Variants in CAVIN1 observed in about 807,000 individuals in gnomAD.
CAVIN1 encodes the protein caveolae associated protein 1.
In CAVIN1, 16 loss-of-function variants were observed where a neutral mutation model predicts 24.0. That is an observed-to-expected ratio of 0.67 (90% CI 0.45 to 1.01). The LOEUF is 1.01. Among genes scored for constraint, CAVIN1 ranks in the 50% least tolerant of loss-of-function variants. The pLI, the probability that CAVIN1 is intolerant of heterozygous loss-of-function variation, is 0.00. For synonymous variants in CAVIN1, 256 were observed against 256.4 expected, an observed-to-expected ratio of 1.00 and a Z score of 0.02; for missense variants, 510 against 551.7, an observed-to-expected ratio of 0.92 and a Z score of 0.76.
At chr17:42,413,566 GA>G (rs60085741) in intron 1 of CAVIN1, among the ~76,000 whole-genome samples, 56 of 56,974 alleles carry the variant, frequency 9.8e-4, no homozygotes, top group African/African-American at 3.1e-3. Context: ...CTCAAAAAGG[GA>G]AAAAAAAAAA....
intron 1 of CAVIN1, chr17:42,412,031 G>A: frequency 1.0e-6 from 1 of 985,424 alleles, no homozygotes; most frequent in African/African-American, 1.7e-5. Flanking sequence ...CACAGAACGG[G>A]ATCCGGGAGA....
chr17:42,406,028 G>A (rs1028542914), intron 1 of CAVIN1, among the ~76,000 whole-genome samples: 2 of 152,178 alleles, frequency 1.3e-5, no homozygotes, highest in Non-Finnish European at 2.9e-5. Context: ...TTGAACGAAT[G>A]GTGACTAAAC....
At chr17:42,414,527 C>T (rs1476754404) in intron 1 of CAVIN1, among the ~76,000 whole-genome samples, 1 of 152,038 alleles carries the variant, frequency 6.6e-6, no homozygotes, top group Non-Finnish European at 1.5e-5. Flanking sequence ...GCACACATCA[C>T]TGTGCCTGGC....
chr17:42,420,425 G>T (rs999844886), intron 1 of CAVIN1, among the ~76,000 whole-genome samples: 1 of 152,200 alleles, frequency 6.6e-6, no homozygotes, highest in African/African-American at 2.4e-5. Context: ...GGGAAGTTCT[G>T]CTTTCCCAAG....
At chr17:42,405,532 G>T in intron 1 of CAVIN1, 144 bp from the exon 2 acceptor site, 1 of 824,720 alleles carries the variant, frequency 1.2e-6, no homozygotes, top group Non-Finnish European at 2.0e-6. Context: ...CAATAAATGT[G>T]TGTAGGCTCA....
chr17:42,422,665 G>T lies in CAVIN1; in HGVS notation c.433C>A (p.Leu145Met), dbSNP rs926769233. The T allele has an allele frequency of 2.5e-6, 4 of 1,600,952 alleles. No individual in the cohort carries two copies. The highest frequency in any genetic ancestry group is 3.4e-6 in the Non-Finnish European group (4 of 1,174,300). Residue 145 changes from leucine to methionine, a missense_variant, in exon 1 of 2, where the codon CTG becomes ATG. Coordinates refer to ENST00000357037, the MANE Select transcript of CAVIN1 (RefSeq NM_012232.6). ...ACTTTAAAGTTGCGGCGCCGCAGCA[G>T]CTCGGCCTCGTTGACCTCCAGCTTC... Reference protein sequence around the residue: ...IKKLEVNEAELLRRRNFKVMI... With the variant: ...IKKLEVNEAEMLRRRNFKVMI...
In CAVIN1 at chr17:42,422,735, C is replaced by CA. The variant is rs1489315815; in HGVS notation, c.362dup (p.Lys122GlufsTer31). 28 of 1,611,052 alleles carry CA rather than the reference C, an allele frequency of 1.7e-5. No homozygotes were observed. The highest frequency in any genetic ancestry group is 2.1e-5 in the Non-Finnish European group (25 of 1,178,910). On this transcript the variant is annotated frameshift_variant, in exon 1 of 2. Coordinates refer to ENST00000357037, the MANE Select transcript of CAVIN1 (RefSeq NM_012232.6). LOFTEE classifies it high-confidence loss of function. ...GCTCCAGGCTGCCGCGCACGGTCTT[C>CA]ACGTTGACGCTGACCTTGCGCACCT... is the stretch of plus-strand genomic sequence containing the variant.
At chr17:42,406,491 C>T (rs901413265) in intron 1 of CAVIN1, among the ~76,000 whole-genome samples, 1 of 151,942 alleles carries the variant, frequency 6.6e-6, no homozygotes, top group Admixed American at 6.6e-5. Flanking sequence ...TCTCCTGCCT[C>T]AGCCTCCTGA....
At chr17:42,413,986 C>T (rs922920700) in intron 1 of CAVIN1, among the ~76,000 whole-genome samples, 12 of 152,238 alleles carry the variant, frequency 7.9e-5, no homozygotes, top group Admixed American at 7.9e-4. Context: ...CAACCTCTGC[C>T]TCCTGAGTTC....
At chr17:42,408,915 C>T (rs2085460972) in intron 1 of CAVIN1, among the ~76,000 whole-genome samples, 1 of 151,780 alleles carries the variant, frequency 6.6e-6, no homozygotes, top group Admixed American at 6.6e-5. Context: ...CTCAGCCTCC[C>T]AAGTAGCTGG....
At chr17:42,420,637 C>T (rs2085539426) in intron 1 of CAVIN1, among the ~76,000 whole-genome samples, 1 of 152,186 alleles carries the variant, frequency 6.6e-6, no homozygotes. Flanking sequence ...TTCCCTCCCA[C>T]CCCCTAAAAT....
intron 1 of CAVIN1, among the ~76,000 whole-genome samples, chr17:42,405,933 C>T (rs904755209): frequency 3.9e-5 from 6 of 152,094 alleles, no homozygotes; most frequent in African/African-American, 1.4e-4. Flanking sequence ...GTGATCCGCC[C>T]GCCTCGGCCT....
In CAVIN1 at chr17:42,420,069, C is replaced by T. The variant is rs553365478; in HGVS notation, c.471+2558G>A. Among the ~76,000 whole-genome samples, 4 of 141,820 alleles carry T rather than the reference C, an allele frequency of 2.8e-5. No homozygotes were observed. In the South Asian group the frequency reaches 1.0e-3, roughly 36 times the overall value. The allele number at this position is 141,820 out of a possible 152,430, so 93.0% of individuals were successfully genotyped here. On this transcript the variant is annotated intron_variant, in intron 1 of 1. Transcript: ENST00000357037. ...TCCCACAACGGGGGCCTTCCCATCCCTTGGTGTTCTCTGCCCCGCCCCCAC... is the reference window on the plus strand; with the variant it reads ...TCCCACAACGGGGGCCTTCCCATCCTTTGGTGTTCTCTGCCCCGCCCCCAC...
Position 42,423,139 on chromosome 17 carries a change from G to A in CAVIN1, c.-42C>T. 9.0e-6 allele frequency: 13 copies of A among 1,439,658 alleles called. No homozygotes were observed. The highest frequency in any genetic ancestry group is 1.4e-5 in the African/African-American group (1 of 70,130). The allele number at this position is 1,439,658 out of a possible 1,614,324, so 89.2% of individuals were successfully genotyped here. A position where few individuals can be genotyped will look rare whatever the true frequency, so the allele number is the denominator to read the frequency against. The stretch of plus-strand genomic sequence containing the variant: ...GCGGGACCGGCCGGGTGGGGCTGGA[G>A]CTGGAGCGGGAGACCCGGAGAGAAG... On this transcript the variant is annotated 5_prime_UTR_variant, in exon 1 of 2. Transcript: ENST00000357037.
At position 42,405,110 on chromosome 17, in the gene CAVIN1, C is replaced by A. The variant is rs2085434896; in HGVS notation, c.750G>T (p.Glu250Asp). ...KMEKTKVRTR[E>D]NLEKTRLKTK... ...TCTTGAGGCGCGTCTTCTCCAGGTT[C>A]TCGCGGGTACGCACCTTGGTCTTCT... Residue 250 changes from glutamate (E) to aspartate (D), a missense_variant, in exon 2 of 2, where the codon GAG becomes GAT. Coordinates refer to ENST00000357037, the MANE Select transcript of CAVIN1 (RefSeq NM_012232.6). 6.2e-7 allele frequency: 1 copy of A among 1,613,904 alleles called. No individual in the cohort carries two copies. Among genetic ancestry groups the A allele is most frequent in the Admixed American group, 1.7e-5 (1 of 59,986 alleles).
Position 42,404,972 on chromosome 17 carries a change from C to A in CAVIN1, c.888G>T (p.Lys296Asn). 6.2e-7 allele frequency: 1 copy of A among 1,614,160 alleles called. No homozygotes were observed. The highest frequency in any genetic ancestry group is 1.1e-5 in the South Asian group (1 of 91,078). Residue 296 changes from lysine (K) to asparagine (N), a missense_variant, in exon 2 of 2, where the codon AAG becomes AAT. Transcript: ENST00000357037. Reference sequence around the variant, plus strand: ...GGTCGGGCGTGAAGGATTTGCGCAACTTGTCCCGCGACGTCTTCAGTTTCT... The same window carrying A: ...GGTCGGGCGTGAAGGATTTGCGCAAATTGTCCCGCGACGTCTTCAGTTTCT... ...RREKLKTSRDKLRKSFTPDHV... is the reference protein window; with the variant it reads ...RREKLKTSRDNLRKSFTPDHV...
At position 42,404,967 on chromosome 17, in the gene CAVIN1, C is replaced by A; in HGVS notation, c.893G>T (p.Arg298Leu). The A allele has an allele frequency of 1.2e-6, 2 of 1,614,126 alleles. No individual in the cohort carries two copies. The highest frequency in any genetic ancestry group is 1.7e-6 in the Non-Finnish European group (2 of 1,179,996). The stretch of plus-strand genomic sequence containing the variant: ...CACGTGGTCGGGCGTGAAGGATTTG[C>A]GCAACTTGTCCCGCGACGTCTTCAG... ...EKLKTSRDKL[R>L]KSFTPDHVVY... The change falls in exon 2 of 2, where the codon CGC becomes CTC. Residue 298 changes from arginine to leucine, a missense_variant. Physicochemically the swap from Arg to Leu is moderately radical, Grantham distance 102 (BLOSUM62 -2). Transcript: ENST00000357037.
rs2085561970 is a variant in CAVIN1, at chr17:42,422,788, T to A, written c.310A>T (p.Ser104Cys). Residue 104 changes from serine to cysteine, a missense_variant, in exon 1 of 2, where the codon AGC becomes TGC. Physicochemically the swap from Ser to Cys is moderately radical, Grantham distance 112. Transcript: ENST00000357037. ...SKLGKAHATT[S>C]NTVSKLLEKV... ...TCCAGCAGCTTGCTCACCGTATTGC[T>A]CGTGGTGGCGTGCGCCTTGCCCAGC... 6.2e-7 allele frequency: 1 copy of A among 1,613,614 alleles called. No individual in the cohort carries two copies. Among genetic ancestry groups the A allele is most frequent in the Admixed American group, 1.7e-5 (1 of 59,954 alleles).
chr17:42,420,894 T>G (rs182319650), intron 1 of CAVIN1, among the ~76,000 whole-genome samples: 2 of 152,146 alleles, frequency 1.3e-5, no homozygotes, highest in African/African-American at 4.8e-5. Context: ...GGAGGAAATA[T>G]AGAGCTGGCT....
Sources: allele counts gnomAD v4.1 joint callset (sites outside exome capture counted in the v4.1 genomes callset), GRCh38; gene constraint gnomAD v4.1.1; transcripts MANE v1.5; gene names NCBI Gene and HGNC (gene_info 2026-07-23, HGNC 2026-07-21).